Variants in PDS5A observed in about 807,000 individuals in gnomAD.
The protein encoded by PDS5A is sister chromatid cohesion protein PDS5 homolog A.
PDS5A carries 42 observed loss-of-function variants against 167.1 expected under a neutral mutation model. The ratio of observed to expected loss-of-function variants is 0.25; its 90% CI spans 0.20 to 0.33. The LOEUF (loss-of-function observed/expected upper bound fraction) is 0.33, where lower values mean the gene tolerates loss of function less well. PDS5A is among the 10% of genes least tolerant of loss of function. The pLI is 1.00. For missense variants in PDS5A, 1,033 were observed against 1,605.9 expected, an observed-to-expected ratio of 0.64 and a Z score of 6.10; for synonymous variants, 553 against 554.6, an observed-to-expected ratio of 1.00 and a Z score of 0.04.
At chr4:39,945,483 T>TAAAAAAAAAAAAAAA (rs770327279) in intron 2 of PDS5A, among the ~76,000 whole-genome samples, 13 of 135,944 alleles carry the variant, frequency 9.6e-5, no homozygotes, top group East Asian at 4.8e-4. Context: ...AAAAAAAAAT[T>TAAAAAAAAAAAAAAA]AAATGCAGGC....
intron 3 of PDS5A, 98 bp from the exon 4 acceptor site, chr4:39,926,959 A>G: frequency 9.9e-7 from 1 of 1,014,072 alleles, no homozygotes; most frequent in South Asian, 3.5e-5. Context: ...AAACTACAAT[A>G]AAAGAAAATT....
chr4:39,949,823 A>AAAAAAAAAAAAAAG (rs1728169448), intron 2 of PDS5A, among the ~76,000 whole-genome samples: 1 of 149,708 alleles, frequency 6.7e-6, no homozygotes, highest in Non-Finnish European at 1.5e-5. Context: ...CTGTCTCAGA[A>AAAAAAAAAAAAAAG]AAAAAAAAAA....
intron 2 of PDS5A, among the ~76,000 whole-genome samples, chr4:39,962,150 C>T (rs1396233707): frequency 6.6e-6 from 1 of 152,040 alleles, no homozygotes; most frequent in Non-Finnish European, 1.5e-5. Flanking sequence ...CTCCGCCTCC[C>T]GGGTTCACGG....
At chr4:39,875,442 A>T (rs1432678532) in intron 19 of PDS5A, among the ~76,000 whole-genome samples, 2 of 152,176 alleles carry the variant, frequency 1.3e-5, no homozygotes, top group Non-Finnish European at 2.9e-5. Flanking sequence ...TTAAGGAAAG[A>T]TATTTGTCAT....
At chr4:39,881,922 A>G (rs1188694075) in intron 17 of PDS5A, among the ~76,000 whole-genome samples, 1 of 152,190 alleles carries the variant, frequency 6.6e-6, no homozygotes, top group African/African-American at 2.4e-5. Flanking sequence ...GTGGTACTGA[A>G]TAAATCTCAG....
intron 2 of PDS5A, among the ~76,000 whole-genome samples, chr4:39,944,178 CAAAAAAA>C (rs60344531): frequency 2.3e-5 from 2 of 88,222 alleles, no homozygotes; most frequent in East Asian, 3.1e-4. Flanking sequence ...GACTCCGTCT[CAAAAAAA>C]AAAAAAAAAA....
intron 2 of PDS5A, among the ~76,000 whole-genome samples, chr4:39,975,040 G>A (rs1167574148): frequency 1.3e-5 from 2 of 151,156 alleles, no homozygotes; most frequent in Non-Finnish European, 2.9e-5. Context: ...CCCGGGAGGT[G>A]GAGGTTGCAG....
At chr4:39,905,644 C>G (rs184895782) in intron 11 of PDS5A, among the ~76,000 whole-genome samples, 16 of 152,110 alleles carry the variant, frequency 1.1e-4, no homozygotes, top group Non-Finnish European at 8.8e-5. Flanking sequence ...AAGAGAGGGA[C>G]CAAAACAAAC....
At chr4:39,875,873 T>C (rs768720535) in intron 19 of PDS5A, among the ~76,000 whole-genome samples, 24 of 152,258 alleles carry the variant, frequency 1.6e-4, no homozygotes, top group Admixed American at 6.5e-4. Context: ...ATTATTATTA[T>C]TAGCCAAATA....
At chr4:39,874,668 A>T (rs1482991959) in intron 19 of PDS5A, among the ~76,000 whole-genome samples, 1 of 152,242 alleles carries the variant, frequency 6.6e-6, no homozygotes, top group East Asian at 1.9e-4. Flanking sequence ...TATGCAAAAT[A>T]ACAAGCAACC....
At chr4:39,844,199 G>A (rs1717352940) in intron 30 of PDS5A, among the ~76,000 whole-genome samples, 1 of 152,086 alleles carries the variant, frequency 6.6e-6, no homozygotes, top group Non-Finnish European at 1.5e-5. Context: ...TACTGGCTGG[G>A]TGCGGTGGCT....
At chr4:39,887,407 T>G (rs1721568930) in intron 17 of PDS5A, among the ~76,000 whole-genome samples, 1 of 152,236 alleles carries the variant, frequency 6.6e-6, no homozygotes, top group Non-Finnish European at 1.5e-5. Context: ...ATATGATGAA[T>G]CATGTTTATC....
chr4:39,895,034 T>C (rs1328642281), intron 16 of PDS5A, among the ~76,000 whole-genome samples: 4 of 151,960 alleles, frequency 2.6e-5, no homozygotes, highest in Admixed American at 6.6e-5. Context: ...GAGATCATCC[T>C]GGCTAACATG....
At chr4:39,870,780 C>T (rs528514234) in intron 21 of PDS5A, among the ~76,000 whole-genome samples, 1 of 152,032 alleles carries the variant, frequency 6.6e-6, no homozygotes, top group African/African-American at 2.4e-5. Context: ...ATGGCTGTTG[C>T]TTTTTTAAAA....
intron 13 of PDS5A, 149 bp downstream of exon 13, chr4:39,902,198 C>T (rs992147819): frequency 2.1e-5 from 11 of 524,614 alleles, no homozygotes; most frequent in African/African-American, 1.2e-4. Context: ...GAACATAAAT[C>T]GTAACATTTT....
chr4:39,854,094 G>A (rs1718337892), intron 26 of PDS5A, among the ~76,000 whole-genome samples: 1 of 152,130 alleles, frequency 6.6e-6, no homozygotes, highest in Non-Finnish European at 1.5e-5. Context: ...CTGAGGCCAG[G>A]AGTTTGAGAC....
At chr4:39,924,341 T>C (rs1390732248) in intron 5 of PDS5A, among the ~76,000 whole-genome samples, 2 of 152,240 alleles carry the variant, frequency 1.3e-5, no homozygotes, top group Non-Finnish European at 2.9e-5. Context: ...TACTTTGTAA[T>C]GCAGCAAAAG....
At chr4:39,826,568 C>T (rs1167507782) in intron 32 of PDS5A, among the ~76,000 whole-genome samples, 2 of 151,884 alleles carry the variant, frequency 1.3e-5, no homozygotes, top group Non-Finnish European at 2.9e-5. Flanking sequence ...TCACTGCAAG[C>T]TCCACCTCCC....
At chr4:39,917,441 G>A (rs143496463) in intron 7 of PDS5A, among the ~76,000 whole-genome samples, 1 of 152,060 alleles carries the variant, frequency 6.6e-6, no homozygotes, top group African/African-American at 2.4e-5. Context: ...TTTGTTGGGT[G>A]TATTTCAAAT....
Sources: gnomAD v4.1 joint callset for allele counts (sites outside exome capture counted in the v4.1 genomes callset) on GRCh38, gnomAD v4.1.1 for gene constraint, MANE v1.5 for transcripts, NCBI Gene and HGNC (gene_info 2026-07-23, HGNC 2026-07-21) for gene names.